DNAH2: variants seen among roughly 807,000 people sequenced by gnomAD.
DNAH2 encodes the protein axonemal beta dynein heavy chain 2.
A neutral mutation model predicts 523.5 loss-of-function variants in DNAH2; 323 were observed. The observed-to-expected ratio is 0.62, with a 90% CI of 0.56 to 0.68. The LOEUF (loss-of-function observed/expected upper bound fraction) is 0.68, where lower values mean the gene tolerates loss of function less well. DNAH2 is among the 30% of genes least tolerant of loss of function. The pLI is 0.00. For missense variants in DNAH2, 4,907 were observed against 5,701.5 expected (o/e 0.86, Z 4.49); for synonymous variants, 2,093 against 2,177.4 (o/e 0.96, Z 1.08).
chr17:7,791,334 G>A (rs764868053), intron 44 of DNAH2, among the ~76,000 whole-genome samples: 9 of 152,224 alleles, frequency 5.9e-5, no homozygotes, highest in Non-Finnish European at 1.3e-4. Flanking sequence ...GCCTCCCTAA[G>A]TGCTGGGATT....
chr17:7,738,907 C>A (rs756153895), intron 8 of DNAH2: 1 of 699,872 alleles, frequency 1.4e-6, no homozygotes, highest in South Asian at 1.5e-5. Flanking sequence ...CCAATTCAGT[C>A]GGCCTTTCTC....
chr17:7,767,016 CCAAA>C (rs1467470263), intron 22 of DNAH2, among the ~76,000 whole-genome samples: 1 of 151,944 alleles, frequency 6.6e-6, no homozygotes, highest in Non-Finnish European at 1.5e-5. Context: ...TATCTAATTC[CCAAA>C]CATTTTTATT....
Position 7,733,191 on chromosome 17 carries a change from C to A in DNAH2, c.504C>A (p.Ile168=). The A allele has an allele frequency of 6.2e-7, 1 of 1,614,220 alleles. No individual in the cohort carries two copies. ...TTGGGACGGTGCGGGGCCCCTATAT[C>A]CCGGCCCTGCTTCGGCTGCTCGGTG... The part of the protein sequence containing the change: ...VQFGTVRGPY[I]PALLRLLGGV... The change falls in exon 5 of 86, where the codon ATC becomes ATA. Residue 168 remains isoleucine, a synonymous_variant. Coordinates refer to ENST00000572933, the MANE Select transcript of DNAH2 (RefSeq NM_020877.5).
In DNAH2 at chr17:7,817,596, C is replaced by T. The variant is rs140362383; in HGVS notation, c.10056C>T (p.Phe3352=). ...WELQVPCSPS[F]AIDNFLCNPT... ...TTCAGGTTCCTTGCTCCCCTTCTTT[C>T]GCCATCGATAACTTCCTGTGCAATC... Residue 3352 remains phenylalanine, a synonymous_variant, in exon 66 of 86, where the codon TTC becomes TTT. Coordinates refer to ENST00000572933, the MANE Select transcript of DNAH2 (RefSeq NM_020877.5). The T allele has an allele frequency of 5.8e-5, 93 of 1,614,176 alleles. No individual in the cohort carries two copies. The highest frequency in any genetic ancestry group is 7.7e-5 in the South Asian group (7 of 91,078).
Position 7,828,951 on chromosome 17 carries a change from G to A in DNAH2, c.11854-1349G>A, listed in dbSNP as rs925271265. 6.6e-6 allele frequency among the ~76,000 whole-genome samples: 1 copy of A among 151,670 alleles called. No individual in the cohort carries two copies. The highest frequency in any genetic ancestry group is 2.4e-5 in the African/African-American group (1 of 41,042). ...TAAAACGCTGTTTGAACAGATTGCT[G>A]TCCTACTCAAGATAGAGACTGGCTC... is the stretch of plus-strand genomic sequence containing the variant. On this transcript the variant is annotated intron_variant, in intron 77 of 85. Coordinates refer to ENST00000572933, the MANE Select transcript of DNAH2 (RefSeq NM_020877.5). This position sits in a 1 kb window ranked among gnomAD's most constrained non-coding sequence, Gnocchi z 4.1.
In DNAH2 at chr17:7,749,308, C is replaced by CAAAAAAAAAAAAAAAAA. The variant is rs57660603; in HGVS notation, c.1904+6190_1904+6206dup. Among the ~76,000 whole-genome samples the CAAAAAAAAAAAAAAAAA allele has an allele frequency of 6.2e-3, 110 of 17,762 alleles. 44 individuals carry two copies. The highest frequency in any genetic ancestry group is 0.01 in the Admixed American group (11 of 1,072). The allele number at this position is 17,762 out of a possible 152,430, so 11.7% of individuals were successfully genotyped here. On this transcript the variant is annotated intron_variant, in intron 12 of 85. Transcript: ENST00000572933. ...GGGCAACAAGAGCTAAACTCCCCCC[C>CAAAAAAAAAAAAAAAAA]AAAAAAAAAAAAAAAAAAAAAAAAA...
In DNAH2 at chr17:7,775,244, G is replaced by A; in HGVS notation, c.4723G>A (p.Gly1575Arg). 8.7e-6 allele frequency: 14 copies of A among 1,612,598 alleles called. No homozygotes were observed. Among genetic ancestry groups the A allele is most frequent in the Non-Finnish European group, 1.2e-5 (14 of 1,179,292 alleles). The change falls in exon 30 of 86, where the codon GGA (glycine) becomes AGA (arginine). Residue 1575 changes from glycine to arginine, a missense_variant. Gly to Arg is a moderately radical substitution (Grantham distance 125). Coordinates refer to ENST00000572933, the MANE Select transcript of DNAH2 (RefSeq NM_020877.5). Reference sequence around the variant, plus strand: ...GAGTAGCTTCTGCTTTCTGCAGGTTGGAGGGCCCAGCAGCAAATGGGAAGC... The same window carrying A: ...GAGTAGCTTCTGCTTTCTGCAGGTTAGAGGGCCCAGCAGCAAATGGGAAGC... ...NIKLLRIQKV[G>R]GPSSKWEAVG...
intron 56 of DNAH2, 78 bp downstream of exon 56, chr17:7,799,320 A>T: frequency 6.4e-7 from 1 of 1,566,344 alleles, no homozygotes; most frequent in Non-Finnish European, 8.7e-7. Flanking sequence ...GCCTTCTGGA[A>T]ATTAGTGTCA....
At position 7,765,693 on chromosome 17, in the gene DNAH2, C is replaced by T. The variant is rs568751425; in HGVS notation, c.3511+128C>T. On this transcript the variant is annotated intron_variant, in intron 21 of 85. Transcript: ENST00000572933. Reference sequence around the variant, plus strand: ...GGTCGGTGCTGGGGTGGGGGAAGAGCCTCCACTCAGGAGCAAAGGAGGAGG... The same window carrying T: ...GGTCGGTGCTGGGGTGGGGGAAGAGTCTCCACTCAGGAGCAAAGGAGGAGG... 1.8e-5 allele frequency: 19 copies of T among 1,072,856 alleles called. No individual in the cohort carries two copies. In the South Asian group the frequency reaches 3.1e-4, roughly 17 times the overall value. 66.5% of individuals were successfully genotyped at this position (1,072,856 alleles called of 1,614,324 possible).
chr17:7,781,124 A>G lies in DNAH2; in HGVS notation c.6086A>G (p.Asp2029Gly), dbSNP rs150614806. Residue 2029 changes from aspartate to glycine, a missense_variant, in exon 39 of 86, where the codon GAT becomes GGT. By Grantham distance (94) the Asp-to-Gly change is moderately conservative. This residue lies in a region of DNAH2 where 2,806 missense variants were observed against 3,190.8 expected (regional missense o/e 0.88). Coordinates refer to ENST00000572933, the MANE Select transcript of DNAH2 (RefSeq NM_020877.5). ...DAPLFNAIVQ[D>G]LFPNIELPVI... is the part of the protein sequence containing the mutation. The stretch of plus-strand genomic sequence containing the variant: ...CCCCTGTTCAATGCCATCGTGCAAG[A>G]TCTGTTTCCCAACATTGAGCTGCCT... 3 of 1,614,078 alleles carry G rather than the reference A, an allele frequency of 1.9e-6. No individual in the cohort carries two copies. Among genetic ancestry groups the G allele is most frequent in the East Asian group, 2.2e-5 (1 of 44,890 alleles).
In DNAH2 at chr17:7,733,475, CTTTT is replaced by C. The variant is rs1199721840; in HGVS notation, c.628+177_628+180del. Among the ~76,000 whole-genome samples, 54 of 113,856 alleles carry C rather than the reference CTTTT, an allele frequency of 4.7e-4. 1 individual carries two copies. Among genetic ancestry groups the C allele is most frequent in the South Asian group, 2.8e-4 (1 of 3,602 alleles). 74.7% of individuals were successfully genotyped at this position (113,856 alleles called of 152,430 possible). ...AGGGTACAAGATCCGCCTTCTTCTT[CTTTT>C]TTTTTTTTTTTTTTTTGAGATGGAG... On this transcript the variant is annotated intron_variant, in intron 5 of 85. Coordinates refer to ENST00000572933, the MANE Select transcript of DNAH2 (RefSeq NM_020877.5).
At chr17:7,757,411 T>A (rs771555002) in intron 13 of DNAH2, among the ~76,000 whole-genome samples, 174 bp downstream of exon 13, 4 of 151,968 alleles carry the variant, frequency 2.6e-5, no homozygotes, top group Non-Finnish European at 5.9e-5. Context: ...TTCCTACCCC[T>A]TGTAGTTTTA....
At chr17:7,818,225 A>C in intron 68 of DNAH2, 87 bp from the exon 69 acceptor site, 1 of 1,596,448 alleles carries the variant, frequency 6.3e-7, no homozygotes, top group Non-Finnish European at 8.5e-7. Context: ...GGACAGGCTG[A>C]GTCGCTGCCC....
chr17:7,727,083 C>T, intron 3 of DNAH2, 39 bp from the exon 4 acceptor site: 1 of 1,495,874 alleles, frequency 6.7e-7, no homozygotes, highest in Admixed American at 2.5e-5. Flanking sequence ...CTCATCCTGG[C>T]AGTTGTAGTT....
At position 7,804,358 on chromosome 17, in the gene DNAH2, G is replaced by T; in HGVS notation, c.9075G>T (p.Ser3025=). ...CTAGGGAAAAGGTGCAAGTGATGTC[G>T]TTGGAGCTGGAGGATGCCAAGAAGA... ...DETREKVQVM[S]LELEDAKKKV... is the part of the protein sequence containing the mutation. The change falls in exon 59 of 86, where the codon TCG becomes TCT. Residue 3025 remains serine (S), a synonymous_variant. Coordinates refer to ENST00000572933, the MANE Select transcript of DNAH2 (RefSeq NM_020877.5). The T allele has an allele frequency of 2.5e-6, 4 of 1,614,174 alleles. No individual in the cohort carries two copies. Among genetic ancestry groups the T allele is most frequent in the Non-Finnish European group, 3.4e-6 (4 of 1,180,030 alleles).
At position 7,765,395 on chromosome 17, in the gene DNAH2, T is replaced by C. The variant is rs2151208639; in HGVS notation, c.3341T>C (p.Leu1114Pro). 6.2e-7 allele frequency: 1 copy of C among 1,612,764 alleles called. No homozygotes were observed. The highest frequency in any genetic ancestry group is 1.7e-5 in the Admixed American group (1 of 59,888). Residue 1114 changes from leucine (L) to proline (P), a missense_variant, in exon 21 of 86, where the codon CTG (leucine) becomes CCG (proline). Transcript: ENST00000572933. ...KYEVPVEDSV[L>P]EMLDSLNGEW... Reference sequence around the variant, plus strand: ...TCCACTCTCTGACTCCCCCAGGTCCTGGAGATGCTGGACAGTCTCAACGGG... The same window carrying C: ...TCCACTCTCTGACTCCCCCAGGTCCCGGAGATGCTGGACAGTCTCAACGGG...
At position 7,832,491 on chromosome 17, in the gene DNAH2, A is replaced by G. The variant is rs548102036; in HGVS notation, c.12727-88A>G. 5.3e-6 allele frequency: 8 copies of G among 1,500,736 alleles called. No homozygotes were observed. Among genetic ancestry groups the G allele is most frequent in the Non-Finnish European group, 7.2e-6 (8 of 1,106,820 alleles). 93.0% of individuals were successfully genotyped at this position (1,500,736 alleles called of 1,614,324 possible). On this transcript the variant is annotated intron_variant, in intron 82 of 85. Transcript: ENST00000572933. The surrounding 1 kb of genome is among the most constrained non-coding windows in gnomAD (Gnocchi z 4.3). ...ACCACTGCACTCCAGCCTGGGGGACAAGAGCAAAACTCTGTCTCTAAATAA... is the reference window on the plus strand; with the variant it reads ...ACCACTGCACTCCAGCCTGGGGGACGAGAGCAAAACTCTGTCTCTAAATAA...
At chr17:7,723,127 A>G (rs1204422260) in intron 2 of DNAH2, among the ~76,000 whole-genome samples, 3 of 150,282 alleles carry the variant, frequency 2.0e-5, no homozygotes. Context: ...CCACCAGCAC[A>G]TCTGGCTAAT....
In DNAH2 at chr17:7,765,569, C is replaced by T. The variant is rs1466377719; in HGVS notation, c.3511+4C>T. The T allele has an allele frequency of 1.2e-6, 2 of 1,609,964 alleles. No homozygotes were observed. The highest frequency in any genetic ancestry group is 1.3e-5 in the African/African-American group (1 of 74,874). ...CTGGAAGATTTCGAATTCAAAGGTA[C>T]TCCTTGATCCACCTCTCCCGCTTCT... On this transcript the variant is annotated splice_donor_region_variant and intron_variant, in intron 21 of 85. Coordinates refer to ENST00000572933, the MANE Select transcript of DNAH2 (RefSeq NM_020877.5).
Sources: gnomAD v4.1 joint callset for allele counts (sites outside exome capture counted in the v4.1 genomes callset) on GRCh38, gnomAD v4.1.1 for gene constraint, gnomAD v4.1.1 regional missense constraint, Gnocchi (gnomAD v3.1) non-coding constraint, MANE v1.5 for transcripts, NCBI Gene and HGNC (gene_info 2026-07-23, HGNC 2026-07-21) for gene names.